DNM3: variants seen among roughly 807,000 people sequenced by gnomAD.
DNM3 encodes dynamin 3, also known as dynamin-3.
DNM3 carries 47 observed loss-of-function variants against 101.6 expected under a neutral mutation model. That is an observed-to-expected ratio of 0.46 (90% CI 0.37 to 0.59). DNM3 has a LOEUF of 0.59. Among genes scored for constraint, DNM3 ranks in the 20% least tolerant of loss-of-function variants. DNM3 has a pLI of 0.00. For synonymous variants in DNM3, 385 were observed against 387.9 expected, an observed-to-expected ratio of 0.99 and a Z score of 0.09; for missense variants, 849 against 1,085.7, an observed-to-expected ratio of 0.78 and a Z score of 3.06.
At chr1:171,861,331 A>C (rs1018423006) in intron 1 of DNM3, among the ~76,000 whole-genome samples, 1 of 152,170 alleles carries the variant, frequency 6.6e-6, no homozygotes, top group African/African-American at 2.4e-5. Flanking sequence ...TGAAGGACTC[A>C]CACTTCCCAG....
chr1:171,843,911 G>A (rs1028052164), intron 1 of DNM3, among the ~76,000 whole-genome samples: 1 of 152,128 alleles, frequency 6.6e-6, no homozygotes, highest in Non-Finnish European at 1.5e-5. Context: ...ACTTTAAAAA[G>A]TTTTACCACT....
At chr1:172,196,084 T>G (rs1197808436) in intron 14 of DNM3, among the ~76,000 whole-genome samples, 1 of 151,678 alleles carries the variant, frequency 6.6e-6, no homozygotes, top group Non-Finnish European at 1.5e-5. Context: ...GTAGACCCAG[T>G]GTCTCTTGTT....
At chr1:171,852,135 A>G (rs1001322909) in intron 1 of DNM3, among the ~76,000 whole-genome samples, 6 of 152,350 alleles carry the variant, frequency 3.9e-5, no homozygotes, top group African/African-American at 1.4e-4. Flanking sequence ...TGATATGTAC[A>G]TGTAATACAA....
intron 13 of DNM3, among the ~76,000 whole-genome samples, chr1:172,095,720 T>G (rs991135256): frequency 1.3e-5 from 2 of 152,162 alleles, no homozygotes; most frequent in African/African-American, 4.8e-5. Context: ...TGCAGAAGAT[T>G]GTTGTGCAGC....
intron 14 of DNM3, among the ~76,000 whole-genome samples, chr1:172,219,222 C>T (rs1415279310): frequency 6.6e-6 from 1 of 151,602 alleles, no homozygotes; most frequent in African/African-American, 2.4e-5. Flanking sequence ...ACTAGCTGGG[C>T]ATGGTGGCAT....
chr1:172,121,222 A>T (rs981755861), intron 13 of DNM3, among the ~76,000 whole-genome samples: 1 of 152,186 alleles, frequency 6.6e-6, no homozygotes, highest in South Asian at 2.1e-4. Context: ...AAAGTGAAAA[A>T]AACTAGAGCC....
At chr1:172,146,835 A>C (rs1210509751) in intron 14 of DNM3, among the ~76,000 whole-genome samples, 1 of 152,136 alleles carries the variant, frequency 6.6e-6, no homozygotes, top group East Asian at 1.9e-4. Flanking sequence ...TTGTCAAGGC[A>C]AACAAAAGGT....
At chr1:171,875,813 C>CTTTT (rs60523795) in intron 1 of DNM3, among the ~76,000 whole-genome samples, 18 of 104,672 alleles carry the variant, frequency 1.7e-4, no homozygotes, top group Admixed American at 3.1e-4. Flanking sequence ...AGTTGTCTCT[C>CTTTT]TTTTTTTTTT....
At chr1:172,147,234 A>C (rs1255981320) in intron 14 of DNM3, among the ~76,000 whole-genome samples, 1 of 152,166 alleles carries the variant, frequency 6.6e-6, no homozygotes, top group Non-Finnish European at 1.5e-5. Context: ...TTAGGAATAC[A>C]CATCTGTTAC....
chr1:172,217,341 C>T (rs970092729), intron 14 of DNM3, among the ~76,000 whole-genome samples: 20 of 152,134 alleles, frequency 1.3e-4, no homozygotes, highest in African/African-American at 4.8e-4. Flanking sequence ...CCAAAAACAA[C>T]ATGGTTCGTG....
At chr1:172,094,110 G>A (rs2147830951) in intron 13 of DNM3, among the ~76,000 whole-genome samples, 1 of 152,024 alleles carries the variant, frequency 6.6e-6, no homozygotes, top group Non-Finnish European at 1.5e-5. Flanking sequence ...CCCTTGTATG[G>A]TAATATTTCC....
intron 4 of DNM3, among the ~76,000 whole-genome samples, chr1:171,994,435 A>G (rs2045855455): frequency 6.6e-6 from 1 of 152,152 alleles, no homozygotes; most frequent in African/African-American, 2.4e-5. Flanking sequence ...AACATTTACC[A>G]AAGCTCTCAA....
intron 10 of DNM3, among the ~76,000 whole-genome samples, chr1:172,053,553 G>A (rs941634194): frequency 1.3e-5 from 2 of 151,876 alleles, no homozygotes; most frequent in Non-Finnish European, 1.5e-5. Context: ...GAAAAAAAAG[G>A]CGCTGTGTTT....
intron 14 of DNM3, among the ~76,000 whole-genome samples, chr1:172,213,320 G>C (rs772806796): frequency 6.6e-6 from 1 of 151,972 alleles, no homozygotes; most frequent in African/African-American, 2.4e-5. Context: ...AACTGTGTTG[G>C]CATGGTTAAT....
intron 4 of DNM3, among the ~76,000 whole-genome samples, chr1:172,022,549 T>TGA (rs1214742558): frequency 6.6e-6 from 1 of 152,080 alleles, no homozygotes; most frequent in African/African-American, 2.4e-5. Flanking sequence ...CAACTTTTAT[T>TGA]TTTATTAGAG....
intron 13 of DNM3, among the ~76,000 whole-genome samples, chr1:172,099,377 TCTC>T (rs1394994176): frequency 2.0e-5 from 3 of 152,106 alleles, no homozygotes; most frequent in Non-Finnish European, 4.4e-5. Context: ...TTCTCTGCCT[TCTC>T]CTGCATAGAA....
chr1:172,103,817 A>G (rs1175694662), intron 13 of DNM3, among the ~76,000 whole-genome samples: 1 of 152,220 alleles, frequency 6.6e-6, no homozygotes, highest in Non-Finnish European at 1.5e-5. Context: ...CCTGGCCAAC[A>G]TAGTGAAACC....
rs535919865 is a variant in DNM3 at position 172,251,831 on chromosome 1, A to G, written c.1660-1742A>G. Among the ~76,000 whole-genome samples, 10 of 152,222 alleles carry G rather than the reference A, an allele frequency of 6.6e-5. No homozygotes were observed. In the East Asian group the frequency reaches 1.9e-3, roughly 29 times the overall value. On this transcript the variant is annotated intron_variant, in intron 14 of 20. Coordinates refer to ENST00000627582, the MANE Select transcript of DNM3 (RefSeq NM_015569.5). ...AAATTTAGGGCACTGAAAAACATTC[A>G]ATAAAAAAAATGTTCCCTGGGTCTC...
chr1:172,293,339 A>T (rs2586402), intron 15 of DNM3, among the ~76,000 whole-genome samples: 7 of 152,296 alleles, frequency 4.6e-5, no homozygotes, highest in African/African-American at 1.7e-4. Context: ...TCTCATCATG[A>T]GGTCCTGTTC....
Sources: allele counts gnomAD v4.1 joint callset (sites outside exome capture counted in the v4.1 genomes callset), GRCh38; gene constraint gnomAD v4.1.1; transcripts MANE v1.5; gene names NCBI Gene and HGNC (gene_info 2026-07-23, HGNC 2026-07-21).